The following DIAPH2 variants were observed in gnomAD, a reference collection of about 807,000 sequenced individuals.
DIAPH2 encodes protein diaphanous homolog 2.
Under a neutral mutation model 92.7 loss-of-function variants are expected in DIAPH2, and 35 were observed. That is an observed-to-expected ratio of 0.38 (90% CI 0.29 to 0.50). The LOEUF is 0.50. Among genes scored for constraint, DIAPH2 ranks in the 20% least tolerant of loss-of-function variants. The pLI is 0.94. For synonymous variants in DIAPH2, 301 were observed against 280.4 expected, an observed-to-expected ratio of 1.07 and a Z score of -0.73; for missense variants, 701 against 819.5, an observed-to-expected ratio of 0.86 and a Z score of 1.77.
chrX:96,735,913 A>G (rs1286154936), intron 2 of DIAPH2, 123 bp downstream of exon 2: 3 of 409,300 alleles, frequency 7.3e-6, no homozygotes, highest in Non-Finnish European at 1.3e-5. Context: ...AAAGTATAGT[A>G]GAATGGAATA....
chrX:97,554,745 A>T (rs748249914), intron 26 of DIAPH2, among the ~76,000 whole-genome samples: 1 of 112,251 alleles, frequency 8.9e-6, no homozygotes, highest in East Asian at 2.8e-4. Context: ...CATCTGTAAA[A>T]TGATAATCAG....
chrX:97,218,624 A>G (rs2067902074), intron 22 of DIAPH2, among the ~76,000 whole-genome samples: 1 of 110,821 alleles, frequency 9.0e-6, no homozygotes, highest in African/African-American at 3.3e-5. Context: ...CAAACCAAAT[A>G]CAGTTGTCCT....
intron 4 of DIAPH2, among the ~76,000 whole-genome samples, chrX:96,813,521 A>T (rs1200001987): frequency 9.0e-6 from 1 of 111,451 alleles, no homozygotes; most frequent in Non-Finnish European, 1.9e-5. Context: ...TAGCCCATTT[A>T]CATTTAAGGT....
intron 23 of DIAPH2, among the ~76,000 whole-genome samples, chrX:97,273,603 C>T (rs1569347406): frequency 8.9e-6 from 1 of 112,068 alleles, no homozygotes; most frequent in African/African-American, 3.2e-5. Context: ...TGTGTGAGCA[C>T]ATGTGTGTAA....
chrX:97,483,296 A>C (rs1275998761), intron 26 of DIAPH2, among the ~76,000 whole-genome samples: 1 of 111,270 alleles, frequency 9.0e-6, no homozygotes, highest in Non-Finnish European at 1.9e-5. Context: ...ATAGGTAATA[A>C]TGAAGCTTGT....
intron 25 of DIAPH2, among the ~76,000 whole-genome samples, chrX:97,403,434 T>G (rs2069777356): frequency 8.9e-6 from 1 of 112,314 alleles, no homozygotes; most frequent in African/African-American, 3.2e-5. Flanking sequence ...AAAGTAGGTT[T>G]GAACCTTATT....
At chrX:96,732,629 A>G (rs2064062856) in intron 1 of DIAPH2, among the ~76,000 whole-genome samples, 1 of 112,100 alleles carries the variant, frequency 8.9e-6, no homozygotes, top group Non-Finnish European at 1.9e-5. Context: ...AATTTTTTAC[A>G]TAAGTATAAT....
chrX:97,337,977 A>G (rs1229695408), intron 23 of DIAPH2, among the ~76,000 whole-genome samples: 1 of 108,671 alleles, frequency 9.2e-6, no homozygotes, highest in Admixed American at 1.0e-4. Flanking sequence ...GGTTCAAGCA[A>G]TTCTCGTGCC....
At chrX:97,459,955 A>G (rs1012618754) in intron 26 of DIAPH2, among the ~76,000 whole-genome samples, 1 of 111,776 alleles carries the variant, frequency 8.9e-6, no homozygotes, top group African/African-American at 3.3e-5. Context: ...ATGGGTTATT[A>G]TGAGGATTAA....
At chrX:97,540,919 C>T (rs2071135110) in intron 26 of DIAPH2, among the ~76,000 whole-genome samples, 1 of 111,830 alleles carries the variant, frequency 8.9e-6, no homozygotes, top group South Asian at 3.7e-4. Flanking sequence ...AATTCTGTGA[C>T]TTTTAAAGTA....
At chrX:96,828,604 T>G (rs1165616928) in intron 4 of DIAPH2, among the ~76,000 whole-genome samples, 12 of 112,115 alleles carry the variant, frequency 1.1e-4, no homozygotes, top group Non-Finnish European at 1.7e-4. Flanking sequence ...ACTCACTGTT[T>G]CCAAATCTTA....
rs971527137 is a variant in DIAPH2 at position 96,843,951 on chromosome X, A to G, written c.448-37628A>G. Among the ~76,000 whole-genome samples, 3 of 112,352 alleles carry G rather than the reference A, an allele frequency of 2.7e-5. No homozygotes were observed. In the East Asian group the frequency reaches 8.3e-4, roughly 31 times the overall value. On this transcript the variant is annotated intron_variant, in intron 4 of 26. Transcript: ENST00000324765. Reference sequence around the variant, plus strand: ...AAGTACTTGAGGGCATTTGAAAAGGAGTAGAAAACTAGCATAAATTGAGTG... The same window carrying G: ...AAGTACTTGAGGGCATTTGAAAAGGGGTAGAAAACTAGCATAAATTGAGTG...
chrX:97,364,759 G>GTT (rs11286549), intron 24 of DIAPH2, among the ~76,000 whole-genome samples: 3 of 56,585 alleles, frequency 5.3e-5, no homozygotes, highest in Non-Finnish European at 7.1e-5. Context: ...GTCTCCTGGT[G>GTT]TTTTTTTTTT....
intron 26 of DIAPH2, among the ~76,000 whole-genome samples, chrX:97,526,483 C>T (rs1242515640): frequency 9.2e-6 from 1 of 108,817 alleles, no homozygotes; most frequent in Non-Finnish European, 1.9e-5. Flanking sequence ...AAAAAAGTCA[C>T]CAAATCCATT....
At chrX:96,713,327 T>G (rs1287907431) in intron 1 of DIAPH2, among the ~76,000 whole-genome samples, 1 of 111,285 alleles carries the variant, frequency 9.0e-6, no homozygotes, top group Non-Finnish European at 1.9e-5. Context: ...GTTTTATTTT[T>G]TTTAAGATGA....
intron 26 of DIAPH2, among the ~76,000 whole-genome samples, chrX:97,486,318 C>G (rs1184727670): frequency 8.9e-6 from 1 of 111,781 alleles, no homozygotes; most frequent in Non-Finnish European, 1.9e-5. Flanking sequence ...AACTTATCCT[C>G]TAAAGTTACT....
intron 26 of DIAPH2, among the ~76,000 whole-genome samples, chrX:97,558,685 T>C (rs759269893): frequency 8.9e-6 from 1 of 111,928 alleles, no homozygotes; most frequent in East Asian, 2.8e-4. Flanking sequence ...TCTTTTTTTT[T>C]AACACAGAGA....
intron 26 of DIAPH2, among the ~76,000 whole-genome samples, chrX:97,438,642 G>T (rs1390371707): frequency 4.6e-5 from 5 of 109,743 alleles, no homozygotes; most frequent in Non-Finnish European, 1.9e-5. Context: ...CTATCAAATT[G>T]CTGGGATTAC....
At chrX:96,961,495 C>T (rs941302480) in intron 16 of DIAPH2, among the ~76,000 whole-genome samples, 2 of 88,632 alleles carry the variant, frequency 2.3e-5, no homozygotes, top group Non-Finnish European at 4.5e-5. Flanking sequence ...TTTTGTTGCT[C>T]TTTTGTATTA....
Sources: allele counts gnomAD v4.1 joint callset (sites outside exome capture counted in the v4.1 genomes callset), GRCh38; gene constraint gnomAD v4.1.1; transcripts MANE v1.5; gene names NCBI Gene and HGNC (gene_info 2026-07-23, HGNC 2026-07-21).